The following TYR variants were observed in gnomAD, a reference collection of about 807,000 sequenced individuals.
TYR encodes the protein tyrosinase, also known as LB24-AB.
Under a neutral mutation model 51.5 loss-of-function variants are expected in TYR, and 58 were observed. The observed-to-expected ratio is 1.13, with a 90% CI of 0.91 to 1.40. The LOEUF (loss-of-function observed/expected upper bound fraction) is 1.40, where lower values mean the gene tolerates loss of function less well. Ranked by LOEUF, TYR falls within the 40% of genes most tolerant of loss-of-function variation. TYR has a pLI of 0.00. For missense variants in TYR, 732 were observed against 647.4 expected (o/e 1.13, Z -1.42); for synonymous variants, 263 against 235.2 (o/e 1.12, Z -1.08).
At chr11:89,222,431 A>G (rs1310858031) in intron 2 of TYR, among the ~76,000 whole-genome samples, 1 of 152,200 alleles carries the variant, frequency 6.6e-6, no homozygotes, top group Non-Finnish European at 1.5e-5. Context: ...AAAGAGATCA[A>G]CTAGTTGCAA....
intron 3 of TYR, among the ~76,000 whole-genome samples, chr11:89,250,246 G>A (rs1944315136): frequency 6.6e-6 from 1 of 151,908 alleles, no homozygotes; most frequent in Non-Finnish European, 1.5e-5. Context: ...ATTACACAAG[G>A]CATTTCCATG....
intron 3 of TYR, among the ~76,000 whole-genome samples, chr11:89,272,702 C>T (rs1272549443): frequency 6.6e-6 from 1 of 151,916 alleles, no homozygotes; most frequent in Non-Finnish European, 1.5e-5. Flanking sequence ...CAATAGAAGG[C>T]AATTTGTCTA....
At chr11:89,232,506 T>A (rs887094014) in intron 3 of TYR, among the ~76,000 whole-genome samples, 2 of 142,384 alleles carry the variant, frequency 1.4e-5, no homozygotes, top group Non-Finnish European at 3.0e-5. Context: ...TGGCTACATA[T>A]GAACATAAAG....
In TYR at chr11:89,212,125, A is replaced by G. The variant is rs549644836; in HGVS notation, c.1037-15698A>G. 5.9e-5 allele frequency among the ~76,000 whole-genome samples: 9 copies of G among 152,352 alleles called. No homozygotes were observed. The East Asian group carries it at 1.7e-3, about 29-fold the overall frequency. ...AAATGAAGGAGACAGAGACAAGAAA[A>G]TCCCTTCAAAAAAATCAATGAATCC... is the stretch of plus-strand genomic sequence containing the variant. On this transcript the variant is annotated intron_variant, in intron 2 of 4. Coordinates refer to ENST00000263321, the MANE Select transcript of TYR (RefSeq NM_000372.5).
At chr11:89,192,102 G>T in intron 2 of TYR, 1 of 364,746 alleles carries the variant, frequency 2.7e-6, no homozygotes, top group Non-Finnish European at 5.3e-6. Flanking sequence ...TATCCCTTAA[G>T]TTTTCTGTTC....
chr11:89,291,580 A>G (rs1350969525), intron 4 of TYR, among the ~76,000 whole-genome samples: 1 of 151,920 alleles, frequency 6.6e-6, no homozygotes, highest in African/African-American at 2.4e-5. Context: ...TCTCCTGTGT[A>G]CTTTTTCTTA....
intron 3 of TYR, among the ~76,000 whole-genome samples, chr11:89,277,926 C>T (rs1944675217): frequency 6.6e-6 from 1 of 151,646 alleles, no homozygotes; most frequent in African/African-American, 2.4e-5. Context: ...TGTTATCATT[C>T]ACCTTCCCAG....
intron 2 of TYR, among the ~76,000 whole-genome samples, chr11:89,204,824 T>TA (rs768437651): frequency 0.015 from 2,069 of 140,010 alleles, 30 homozygotes; most frequent in African/African-American, 0.041. Context: ...ATCCTTGAAT[T>TA]AAAAAAAAAA....
At chr11:89,182,599 G>A (rs1364365637) in intron 1 of TYR, among the ~76,000 whole-genome samples, 1 of 152,052 alleles carries the variant, frequency 6.6e-6, no homozygotes, top group Non-Finnish European at 1.5e-5. Flanking sequence ...GTTAAAATCA[G>A]GTAATTAATT....
chr11:89,251,343 G>T (rs1459734300), intron 3 of TYR, among the ~76,000 whole-genome samples: 6 of 151,892 alleles, frequency 4.0e-5, no homozygotes, highest in Non-Finnish European at 7.4e-5. Flanking sequence ...AGGGTTTCCT[G>T]AAGTATCAAA....
At chr11:89,287,043 T>C (rs775161712) in intron 4 of TYR, among the ~76,000 whole-genome samples, 1 of 151,996 alleles carries the variant, frequency 6.6e-6, no homozygotes, top group African/African-American at 2.4e-5. Context: ...AACTCTCAGA[T>C]ATAAAAATCA....
At chr11:89,222,403 T>C (rs985389432) in intron 2 of TYR, among the ~76,000 whole-genome samples, 1 of 152,066 alleles carries the variant, frequency 6.6e-6, no homozygotes, top group Non-Finnish European at 1.5e-5. Context: ...CAGAGTAGTA[T>C]TAGGGAAGAA....
intron 3 of TYR, among the ~76,000 whole-genome samples, chr11:89,247,314 C>T (rs1181010476): frequency 6.6e-6 from 1 of 152,142 alleles, no homozygotes; most frequent in Non-Finnish European, 1.5e-5. Flanking sequence ...TCATTACATA[C>T]TTATTAGACT....
At chr11:89,279,377 C>CT (rs1944693518) in intron 3 of TYR, among the ~76,000 whole-genome samples, 1 of 151,576 alleles carries the variant, frequency 6.6e-6, no homozygotes, top group Non-Finnish European at 1.5e-5. Flanking sequence ...AGGCCCTGCC[C>CT]TATACGTAGG....
At chr11:89,189,331 G>C (rs1229665146) in intron 1 of TYR, among the ~76,000 whole-genome samples, 1 of 151,880 alleles carries the variant, frequency 6.6e-6, no homozygotes, top group Non-Finnish European at 1.5e-5. Context: ...AGAAAGGTGA[G>C]AAATTCTTAT....
chr11:89,288,896 A>C (rs1944824625), intron 4 of TYR, among the ~76,000 whole-genome samples: 2 of 152,042 alleles, frequency 1.3e-5, no homozygotes, highest in African/African-American at 4.8e-5. Context: ...AAATTATTTA[A>C]GATTTCTTGA....
chr11:89,207,911 G>A (rs939094301), intron 2 of TYR, among the ~76,000 whole-genome samples: 5 of 152,072 alleles, frequency 3.3e-5, no homozygotes, highest in South Asian at 2.1e-4. Context: ...TGAATAAGGA[G>A]CACATCAGAT....
intron 2 of TYR, among the ~76,000 whole-genome samples, chr11:89,212,627 A>G (rs898572401): frequency 1.3e-5 from 2 of 152,194 alleles, no homozygotes; most frequent in African/African-American, 4.8e-5. Context: ...TGGCAGAGAT[A>G]CAACCGAAAA....
intron 3 of TYR, among the ~76,000 whole-genome samples, chr11:89,262,924 G>A (rs1944479518): frequency 1.5e-5 from 2 of 135,954 alleles, no homozygotes; most frequent in East Asian, 4.7e-4. Flanking sequence ...TTAATTAATT[G>A]ATTTTCTCAC....
Sources: allele counts gnomAD v4.1 joint callset (sites outside exome capture counted in the v4.1 genomes callset), GRCh38; gene constraint gnomAD v4.1.1; transcripts MANE v1.5; gene names NCBI Gene and HGNC (gene_info 2026-07-23, HGNC 2026-07-21).